SLX4IP: variants seen among roughly 807,000 people sequenced by gnomAD.
SLX4IP encodes protein SLX4IP.
A neutral mutation model predicts 32.9 loss-of-function variants in SLX4IP; 34 were observed. The ratio of observed to expected loss-of-function variants is 1.03; its 90% confidence interval spans 0.79 to 1.38. SLX4IP has a LOEUF of 1.38. Ranked by LOEUF, SLX4IP falls within the 40% of genes most tolerant of loss-of-function variation. The pLI is 0.00. For synonymous variants in SLX4IP, 172 were observed against 171.7 expected (o/e 1.00, Z -0.01); for missense variants, 444 against 479.0 (o/e 0.93, Z 0.68).
At chr20:10,538,073 T>G (rs2066064735) in intron 2 of SLX4IP, among the ~76,000 whole-genome samples, 1 of 152,156 alleles carries the variant, frequency 6.6e-6, no homozygotes, top group African/African-American at 2.4e-5. Flanking sequence ...AAGAAAGCAG[T>G]CATTGACAAC....
At chr20:10,601,577 G>A (rs781261349) in intron 5 of SLX4IP, among the ~76,000 whole-genome samples, 154 bp from the exon 6 acceptor site, 2 of 152,096 alleles carry the variant, frequency 1.3e-5, no homozygotes, top group African/African-American at 4.8e-5. Context: ...CCCTATTGAC[G>A]GCAAACACCG....
chr20:10,564,130 A>G (rs993657824), intron 4 of SLX4IP, among the ~76,000 whole-genome samples: 2 of 152,136 alleles, frequency 1.3e-5, no homozygotes, highest in African/African-American at 4.8e-5. Context: ...GGGACACGCC[A>G]TGGTATACCA....
chr20:10,493,003 T>C (rs185169184), intron 2 of SLX4IP, among the ~76,000 whole-genome samples: 23 of 152,202 alleles, frequency 1.5e-4, no homozygotes, highest in Admixed American at 5.2e-4. Context: ...GGGGTCTTGC[T>C]ATGTTGGCCA....
intron 1 of SLX4IP, among the ~76,000 whole-genome samples, chr20:10,451,614 T>C (rs1010199840): frequency 6.6e-6 from 1 of 152,206 alleles, no homozygotes; most frequent in Non-Finnish European, 1.5e-5. Flanking sequence ...ACAACAAGCA[T>C]GTAAACATTT....
chr20:10,489,190 G>A (rs890328294), intron 2 of SLX4IP, among the ~76,000 whole-genome samples: 3 of 152,126 alleles, frequency 2.0e-5, no homozygotes, highest in Non-Finnish European at 2.9e-5. Flanking sequence ...CACATAAGTC[G>A]AGGAGTTCTG....
intron 2 of SLX4IP, among the ~76,000 whole-genome samples, chr20:10,504,037 A>G (rs1355616729): frequency 1.3e-5 from 2 of 152,200 alleles, no homozygotes; most frequent in Non-Finnish European, 2.9e-5. Flanking sequence ...TATGATATCC[A>G]GTTCAGCCCA....
At chr20:10,517,256 G>A (rs1368576334) in intron 2 of SLX4IP, among the ~76,000 whole-genome samples, 2 of 152,126 alleles carry the variant, frequency 1.3e-5, no homozygotes, top group Non-Finnish European at 2.9e-5. Flanking sequence ...TTATAACACT[G>A]TCAGAAACCA....
At chr20:10,594,377 G>A (rs767218438) in intron 4 of SLX4IP, among the ~76,000 whole-genome samples, 91 of 152,236 alleles carry the variant, frequency 6.0e-4, no homozygotes, top group Non-Finnish European at 1.1e-3. Context: ...TCACCTGCCC[G>A]GAGGTCCTGA....
At chr20:10,546,712 C>T (rs139825984) in intron 2 of SLX4IP, among the ~76,000 whole-genome samples, 21 of 152,264 alleles carry the variant, frequency 1.4e-4, no homozygotes, top group Admixed American at 7.8e-4. Flanking sequence ...GTCTCAGAGC[C>T]ACTGAGGCTC....
intron 2 of SLX4IP, among the ~76,000 whole-genome samples, chr20:10,461,479 G>A (rs371069160): frequency 6.6e-6 from 1 of 152,344 alleles, no homozygotes; most frequent in South Asian, 2.1e-4. Flanking sequence ...ACATCACTTT[G>A]TGGTTGTATT....
chr20:10,532,711 A>G (rs1004397074), intron 2 of SLX4IP, among the ~76,000 whole-genome samples: 5 of 152,108 alleles, frequency 3.3e-5, no homozygotes, highest in African/African-American at 1.2e-4. Context: ...AATTTGGACT[A>G]TGAGATTTTA....
chr20:10,449,196 A>G (rs1017072577), intron 1 of SLX4IP, among the ~76,000 whole-genome samples: 1 of 152,244 alleles, frequency 6.6e-6, no homozygotes, highest in African/African-American at 2.4e-5. Context: ...CTCAAGGTCT[A>G]TGCAACCGAC....
At chr20:10,443,849 CCTCTCTCTT>C (rs769779056) in intron 1 of SLX4IP, among the ~76,000 whole-genome samples, 5 of 152,052 alleles carry the variant, frequency 3.3e-5, no homozygotes, top group African/African-American at 7.2e-5. Context: ...GTGTATAGTA[CCTCTCTCTT>C]CTCTCTCTTC....
chr20:10,573,004 A>C (rs577332733), intron 4 of SLX4IP, among the ~76,000 whole-genome samples: 1 of 152,170 alleles, frequency 6.6e-6, no homozygotes, highest in Non-Finnish European at 1.5e-5. Context: ...AATTTTTCCT[A>C]TTCTTTCCTC....
chr20:10,514,227 C>T (rs1262042323), intron 2 of SLX4IP, among the ~76,000 whole-genome samples: 2 of 152,252 alleles, frequency 1.3e-5, no homozygotes, highest in Non-Finnish European at 2.9e-5. Context: ...CTGGCCCCAA[C>T]TTTTTAAAAT....
At chr20:10,455,314 T>C (rs998324094) in intron 1 of SLX4IP, among the ~76,000 whole-genome samples, 1 of 152,156 alleles carries the variant, frequency 6.6e-6, no homozygotes, top group Admixed American at 6.5e-5. Context: ...GTCACAAAAA[T>C]TTATGCCTTT....
rs563633302 is a variant in SLX4IP, at chr20:10,435,411, C to T, written c.-72C>T. ...CTCCGCCAGTGACCCTGGACAGTAACAAAACATATAAAGCCCGAGCCCAAA... is the reference window on the plus strand; with the variant it reads ...CTCCGCCAGTGACCCTGGACAGTAATAAAACATATAAAGCCCGAGCCCAAA... On this transcript the variant is annotated 5_prime_UTR_variant, in exon 1 of 8. Transcript: ENST00000334534. 6.6e-6 allele frequency: 1 copy of T among 152,334 alleles called. No homozygotes were observed. Among genetic ancestry groups the T allele is most frequent in the Non-Finnish European group, 1.5e-5 (1 of 68,074 alleles). The allele number at this position is 152,334 out of a possible 1,614,324, so 9.4% of individuals were successfully genotyped here. A position where few individuals can be genotyped will look rare whatever the true frequency, so the allele number is the denominator to read the frequency against.
chr20:10,458,440 G>A (rs1334594967), intron 2 of SLX4IP, among the ~76,000 whole-genome samples: 1 of 152,048 alleles, frequency 6.6e-6, no homozygotes, highest in African/African-American at 2.4e-5. Flanking sequence ...TGCCACAGTG[G>A]TTTGTTGCAC....
In SLX4IP at chr20:10,625,560, C is replaced by T. The variant is rs2067162846; in HGVS notation, c.*2181C>T. ...TATTGAGAAATTTTTATTTCATTAG[C>T]TAACCTGGGCTTGGTGGTTAAGGCT... On this transcript the variant is annotated 3_prime_UTR_variant, in exon 8 of 8. Coordinates refer to ENST00000334534, the MANE Select transcript of SLX4IP (RefSeq NM_001009608.3). 1 of 152,186 alleles carries T rather than the reference C, an allele frequency of 6.6e-6. No homozygotes were observed. The highest frequency in any genetic ancestry group is 2.1e-4 in the South Asian group (1 of 4,822). 9.4% of individuals were successfully genotyped at this position (152,186 alleles called of 1,614,324 possible).
Sources: gnomAD v4.1 joint callset for allele counts (sites outside exome capture counted in the v4.1 genomes callset) on GRCh38, gnomAD v4.1.1 for gene constraint, MANE v1.5 for transcripts, NCBI Gene and HGNC (gene_info 2026-07-23, HGNC 2026-07-21) for gene names.